Variants in FAM117A observed in about 807,000 individuals in gnomAD.
FAM117A encodes protein FAM117A.
In FAM117A, 21 loss-of-function variants were observed where a neutral mutation model predicts 44.1. The ratio of observed to expected loss-of-function variants is 0.48; its 90% CI spans 0.34 to 0.69. FAM117A has a LOEUF of 0.69. Ranked by LOEUF, FAM117A falls within the 30% of genes least tolerant of loss-of-function variation. The pLI is 0.01. For missense variants in FAM117A, 498 were observed against 589.9 expected, an observed-to-expected ratio of 0.84 and a Z score of 1.61; for synonymous variants, 220 against 238.3, an observed-to-expected ratio of 0.92 and a Z score of 0.71.
upstream of FAM117A, among the ~76,000 whole-genome samples, chr17:49,766,425 G>T (rs1386329919): frequency 6.6e-6 from 1 of 152,204 alleles, no homozygotes; most frequent in Non-Finnish European, 1.5e-5. Flanking sequence ...TTCTTCAGGA[G>T]GTTAAGTCCT....
At chr17:49,734,388 C>T (rs1170855136) in intron 1 of FAM117A, among the ~76,000 whole-genome samples, 13 of 151,244 alleles carry the variant, frequency 8.6e-5, no homozygotes, top group Non-Finnish European at 1.5e-4. Flanking sequence ...GTCGGGAGAT[C>T]GAGACCATCC....
intron 1 of FAM117A, among the ~76,000 whole-genome samples, chr17:49,739,423 G>A (rs568220188): frequency 6.6e-6 from 1 of 152,156 alleles, no homozygotes; most frequent in Non-Finnish European, 1.5e-5. Flanking sequence ...CTTGCAGACC[G>A]GAGCATCAGC....
intron 1 of FAM117A, among the ~76,000 whole-genome samples, chr17:49,779,542 GC>G (rs2073783664): frequency 1.3e-5 from 2 of 152,298 alleles, no homozygotes; most frequent in Non-Finnish European, 1.5e-5. Context: ...ATTTGGAACA[GC>G]CCCAAGACTA....
At chr17:49,769,424 C>A (rs977190386) in intron 1 of FAM117A, among the ~76,000 whole-genome samples, 4 of 151,774 alleles carry the variant, frequency 2.6e-5, no homozygotes, top group Non-Finnish European at 5.9e-5. Flanking sequence ...ATAGGCCGGG[C>A]GCGGTGGCTC....
chr17:49,765,082 CAGTTGTGA>C (rs1343266555), upstream of FAM117A, among the ~76,000 whole-genome samples: 15 of 152,006 alleles, frequency 9.9e-5, no homozygotes, highest in African/African-American at 3.6e-4. Flanking sequence ...AGAATGCATG[CAGTTGTGA>C]AAAGCACATG....
intron 7 of FAM117A, 59 bp from the exon 8 acceptor site, chr17:49,711,614 C>T (rs952218684): frequency 2.0e-5 from 31 of 1,516,696 alleles, no homozygotes; most frequent in Middle Eastern, 1.7e-4. Context: ...AAACAGACAG[C>T]GAGAGAGGGT....
chr17:49,757,943 A>G (rs116830847), intron 1 of FAM117A, among the ~76,000 whole-genome samples: 1 of 152,276 alleles, frequency 6.6e-6, no homozygotes, highest in African/African-American at 2.4e-5. Flanking sequence ...CCAAGAAGAG[A>G]CTGTCCACTC....
At chr17:49,783,407 A>AT (rs113094953) in intron 1 of FAM117A, among the ~76,000 whole-genome samples, 35 of 147,702 alleles carry the variant, frequency 2.4e-4, no homozygotes, top group South Asian at 4.3e-4. Flanking sequence ...GATCAGAGTG[A>AT]TTTTTTTTTT....
upstream of FAM117A, among the ~76,000 whole-genome samples, chr17:49,766,078 C>T (rs1409577376): frequency 6.6e-6 from 1 of 152,106 alleles, no homozygotes; most frequent in Non-Finnish European, 1.5e-5. Flanking sequence ...TGTTAAGTAC[C>T]ATGCATACTT....
At chr17:49,769,436 C>A (rs935695394) in intron 1 of FAM117A, among the ~76,000 whole-genome samples, 1 of 152,080 alleles carries the variant, frequency 6.6e-6, no homozygotes, top group African/African-American at 2.4e-5. Flanking sequence ...CGGTGGCTCA[C>A]GCCTGTAATC....
At chr17:49,721,252 A>C (rs1268143634) in intron 3 of FAM117A, among the ~76,000 whole-genome samples, 1 of 152,218 alleles carries the variant, frequency 6.6e-6, no homozygotes, top group African/African-American at 2.4e-5. Flanking sequence ...ATATTATCCC[A>C]TCACATGTGC....
chr17:49,763,966 A>G lies in FAM117A; in HGVS notation c.122T>C (p.Leu41Pro), dbSNP rs2073734136. The G allele has an allele frequency of 8.1e-7, 1 of 1,229,142 alleles. No individual in the cohort carries two copies. The highest frequency in any genetic ancestry group is 1.0e-6 in the Non-Finnish European group (1 of 986,972). The allele number at this position is 1,229,142 out of a possible 1,614,324, so 76.1% of individuals were successfully genotyped here. Residue 41 changes from leucine to proline, a missense_variant, in exon 1 of 8, where the codon CTG becomes CCG. By Grantham distance (98) the Leu-to-Pro change is moderately conservative. This residue lies in a region of FAM117A where 270 missense variants were observed against 277.4 expected (regional missense o/e 0.97). Coordinates refer to ENST00000240364, the MANE Select transcript of FAM117A (RefSeq NM_030802.4). ...GGGGATCGTGGCCCTGAGCGGCTGCAGCCCAGCCCGGGGGGAGCCGGCGGG... is the reference window on the plus strand; with the variant it reads ...GGGGATCGTGGCCCTGAGCGGCTGCGGCCCAGCCCGGGGGGAGCCGGCGGG... ...PAPAGSPRAG[L>P]QPLRATIPFQ...
Position 49,711,258 on chromosome 17 carries a change from G to C in FAM117A, c.1359C>G (p.Val453=), listed in dbSNP as rs1351373000. 1 of 1,598,562 alleles carries C rather than the reference G, an allele frequency of 6.3e-7. No individual in the cohort carries two copies. Among genetic ancestry groups the C allele is most frequent in the African/African-American group, 1.3e-5 (1 of 74,512 alleles). ...EPVLFQSSLM[V] is the part of the protein sequence containing the mutation. ...AAGTGGGGCAGGGGTGGGACCCTCA[G>C]ACCATCAGGGAGCTCTGGAAAAGCA... Residue 453 remains valine, a synonymous_variant, in exon 8 of 8, where the codon GTC becomes GTG. Coordinates refer to ENST00000240364, the MANE Select transcript of FAM117A (RefSeq NM_030802.4).
intron 2 of FAM117A, among the ~76,000 whole-genome samples, chr17:49,728,526 G>T (rs932685318): frequency 2.0e-5 from 3 of 152,068 alleles, no homozygotes; most frequent in Admixed American, 6.5e-5. Flanking sequence ...TGAGTAGAAT[G>T]GGGGGCTGGG....
chr17:49,719,248 T>G (rs1598019600), intron 5 of FAM117A, among the ~76,000 whole-genome samples: 11 of 144,576 alleles, frequency 7.6e-5, no homozygotes, highest in East Asian at 2.0e-4. Flanking sequence ...GCAACAAGAG[T>G]GAAACTCCAT....
At position 49,720,373 on chromosome 17, in the gene FAM117A, G is replaced by T; in HGVS notation, c.526C>A (p.Arg176=). 6.2e-7 allele frequency: 1 copy of T among 1,613,808 alleles called. No individual in the cohort carries two copies. The highest frequency in any genetic ancestry group is 8.5e-7 in the Non-Finnish European group (1 of 1,179,994). The change falls in exon 4 of 8, where the codon CGA becomes AGA. Residue 176 remains arginine (R), a synonymous_variant. Transcript: ENST00000240364. ...KLSRSGKEKE[R]GSPLLGDHAV... ...TGGTCCCCTAGGAGTGGTGAACCTCGCTCCTTCTCTTTCCCACTGCGGCTC... is the reference window on the plus strand; with the variant it reads ...TGGTCCCCTAGGAGTGGTGAACCTCTCTCCTTCTCTTTCCCACTGCGGCTC...
chr17:49,731,391 CT>C (rs2073584159), intron 2 of FAM117A, among the ~76,000 whole-genome samples: 1 of 152,230 alleles, frequency 6.6e-6, no homozygotes, highest in Non-Finnish European at 1.5e-5. Context: ...CTCTTAACAA[CT>C]TAGCTGCTAA....
chr17:49,737,399 A>G (rs2073615193), intron 1 of FAM117A, among the ~76,000 whole-genome samples: 1 of 152,158 alleles, frequency 6.6e-6, no homozygotes, highest in Admixed American at 6.5e-5. Flanking sequence ...TGGAAAGTGG[A>G]TTTACAAAAT....
At chr17:49,747,566 T>C (rs2073658832) in intron 1 of FAM117A, among the ~76,000 whole-genome samples, 2 of 152,220 alleles carry the variant, frequency 1.3e-5, no homozygotes, top group African/African-American at 4.8e-5. Flanking sequence ...GTTGTTCTTC[T>C]CTACCCCCCG....
Sources: gnomAD v4.1 joint callset for allele counts (sites outside exome capture counted in the v4.1 genomes callset) on GRCh38, gnomAD v4.1.1 for gene constraint, gnomAD v4.1.1 regional missense constraint, MANE v1.5 for transcripts, NCBI Gene and HGNC (gene_info 2026-07-23, HGNC 2026-07-21) for gene names.